CDC42SE2: variants seen among roughly 807,000 people sequenced by gnomAD.
The protein encoded by CDC42SE2 is CDC42 small effector protein 2.
In CDC42SE2, 3 loss-of-function variants were observed where a neutral mutation model predicts 11.5. The observed-to-expected ratio is 0.26, with a 90% CI of 0.12 to 0.67. The LOEUF (loss-of-function observed/expected upper bound fraction) is 0.67, where lower values mean the gene tolerates loss of function less well. Among genes scored for constraint, CDC42SE2 ranks in the 30% least tolerant of loss-of-function variants. The pLI is 0.80. For synonymous variants in CDC42SE2, 33 were observed against 34.8 expected, an observed-to-expected ratio of 0.95 and a Z score of 0.18; for missense variants, 82 against 106.8, an observed-to-expected ratio of 0.77 and a Z score of 1.02.
intron 3 of CDC42SE2, among the ~76,000 whole-genome samples, chr5:131,381,108 C>T (rs1216603094): frequency 1.3e-5 from 2 of 152,168 alleles, no homozygotes; most frequent in African/African-American, 4.8e-5. Context: ...GGCTTCTTCT[C>T]TGCCCAACCA....
At chr5:131,298,250 G>A (rs1017687485) in intron 1 of CDC42SE2, among the ~76,000 whole-genome samples, 9 of 151,718 alleles carry the variant, frequency 5.9e-5, no homozygotes, top group African/African-American at 1.7e-4. Flanking sequence ...TTACAGGCAG[G>A]CACCACCATG....
At chr5:131,352,993 G>C (rs902581677) in intron 2 of CDC42SE2, among the ~76,000 whole-genome samples, 1 of 151,818 alleles carries the variant, frequency 6.6e-6, no homozygotes, top group Non-Finnish European at 1.5e-5. Context: ...TTGAGACAGG[G>C]TCTCACTCTG....
chr5:131,243,424 A>G (rs144517218), upstream of CDC42SE2, among the ~76,000 whole-genome samples: 2,973 of 152,082 alleles, frequency 0.02, 106 homozygotes, highest in African/African-American at 0.067. Flanking sequence ...ATCTCTACTA[A>G]AAATACAAAA....
At chr5:131,220,332 A>G in the CDC42SE2 span, among the ~76,000 whole-genome samples, 1 of 152,170 alleles carries the variant, frequency 6.6e-6, no homozygotes. Flanking sequence ...CAGCCTCCCG[A>G]GTAGCTGGGA....
At chr5:131,340,286 A>G (rs570319849) in intron 2 of CDC42SE2, among the ~76,000 whole-genome samples, 20 of 152,324 alleles carry the variant, frequency 1.3e-4, no homozygotes, top group Non-Finnish European at 2.5e-4. Flanking sequence ...TTTGAGTAGC[A>G]TGATGAAATT....
chr5:131,236,983 A>AT, the CDC42SE2 span, among the ~76,000 whole-genome samples: 1 of 152,096 alleles, frequency 6.6e-6, no homozygotes, highest in East Asian at 1.9e-4. Context: ...TCTATTTCAT[A>AT]TTTTTTCCCA....
intron 2 of CDC42SE2, among the ~76,000 whole-genome samples, chr5:131,317,544 G>T (rs1344055407): frequency 6.6e-6 from 1 of 151,846 alleles, no homozygotes; most frequent in Non-Finnish European, 1.5e-5. Context: ...GAAGTTTGGC[G>T]GTGATGTAGT....
At chr5:131,336,136 C>T (rs1482138377) in intron 2 of CDC42SE2, among the ~76,000 whole-genome samples, 12 of 152,168 alleles carry the variant, frequency 7.9e-5, no homozygotes, top group Admixed American at 3.3e-4. Flanking sequence ...TTAGTGCTTC[C>T]TTCAGGAGCT....
At chr5:131,315,664 T>C (rs1453158384) in intron 1 of CDC42SE2, among the ~76,000 whole-genome samples, 1 of 152,196 alleles carries the variant, frequency 6.6e-6, no homozygotes, top group Non-Finnish European at 1.5e-5. Flanking sequence ...GATTTATAAA[T>C]GTAGGCAGTT....
chr5:131,344,912 TC>T (rs1288915257), intron 2 of CDC42SE2, among the ~76,000 whole-genome samples: 3 of 151,950 alleles, frequency 2.0e-5, no homozygotes, highest in African/African-American at 7.3e-5. Flanking sequence ...TCCAGCAAAC[TC>T]CAACAGACCT....
At chr5:131,336,313 GC>G (rs1197829305) in intron 2 of CDC42SE2, among the ~76,000 whole-genome samples, 1 of 152,178 alleles carries the variant, frequency 6.6e-6, no homozygotes, top group Non-Finnish European at 1.5e-5. Context: ...CTCTCTTCTG[GC>G]TTATAGAGTT....
the CDC42SE2 span, among the ~76,000 whole-genome samples, chr5:131,229,421 T>A: frequency 1.3e-5 from 2 of 151,948 alleles, no homozygotes; most frequent in Admixed American, 1.3e-4. Context: ...GTTATTATTA[T>A]TATTATTATT....
chr5:131,300,063 T>A (rs1454876225), intron 1 of CDC42SE2, among the ~76,000 whole-genome samples: 3 of 152,232 alleles, frequency 2.0e-5, no homozygotes, highest in African/African-American at 7.2e-5. Context: ...TCTTGGAGTT[T>A]CCTGTTAAAG....
intron 1 of CDC42SE2, among the ~76,000 whole-genome samples, chr5:131,310,958 T>A (rs1190316018): frequency 6.6e-6 from 1 of 151,578 alleles, no homozygotes; most frequent in East Asian, 1.9e-4. Context: ...GTTAATATTG[T>A]TATGTGTGAA....
rs913690089 is a variant in CDC42SE2 at position 131,310,050 on chromosome 5, T to A, written c.-454-5926T>A. Among the ~76,000 whole-genome samples, 59 of 152,344 alleles carry A rather than the reference T, an allele frequency of 3.9e-4. 1 individual carries two copies. Among genetic ancestry groups the A allele is most frequent in the African/African-American group, 1.4e-3 (58 of 41,578 alleles). On this transcript the variant is annotated intron_variant, in intron 1 of 4. Transcript: ENST00000505065. The stretch of plus-strand genomic sequence containing the variant: ...TTAATTGTGATGTTAGGGTGTCAAT[T>A]TTGGATCTTTCCTGCTTTCTGTTGT...
chr5:131,329,478 C>G (rs1254396316), intron 2 of CDC42SE2, among the ~76,000 whole-genome samples: 1 of 151,968 alleles, frequency 6.6e-6, no homozygotes, highest in African/African-American at 2.4e-5. Context: ...TTCATTTGAT[C>G]CAAGAAAGAT....
chr5:131,222,528 C>T, the CDC42SE2 span, among the ~76,000 whole-genome samples: 1 of 152,138 alleles, frequency 6.6e-6, no homozygotes, highest in East Asian at 1.9e-4. Context: ...TGACATTGAA[C>T]CAAAGAAACT....
At chr5:131,291,610 A>G (rs1757459045) in intron 1 of CDC42SE2, among the ~76,000 whole-genome samples, 1 of 152,140 alleles carries the variant, frequency 6.6e-6, no homozygotes, top group Non-Finnish European at 1.5e-5. Flanking sequence ...TTATTGTTTT[A>G]TAGCCATAAC....
chr5:131,257,130 G>C (rs188525722), intron 2 of CDC42SE2, among the ~76,000 whole-genome samples: 14 of 152,304 alleles, frequency 9.2e-5, no homozygotes, highest in African/African-American at 2.9e-4. Context: ...GGGGTCAAAA[G>C]CAAGAGCTGA....
Sources: gnomAD v4.1 joint callset for allele counts (sites outside exome capture counted in the v4.1 genomes callset) on GRCh38, gnomAD v4.1.1 for gene constraint, MANE v1.5 for transcripts, NCBI Gene and HGNC (gene_info 2026-07-23, HGNC 2026-07-21) for gene names.